The following ERMP1 variants were observed in gnomAD, a reference collection of about 807,000 sequenced individuals.
The protein encoded by ERMP1 is Felix-ina.
ERMP1 carries 86 observed loss-of-function variants against 92.0 expected under a neutral mutation model. The observed-to-expected ratio is 0.93, with a 90% CI of 0.79 to 1.12. ERMP1 has a LOEUF of 1.12. Ranked by LOEUF, ERMP1 falls within the 50% of genes most tolerant of loss-of-function variation. ERMP1 has a pLI of 0.00. For synonymous variants in ERMP1, 530 were observed against 412.8 expected (o/e 1.28, Z -3.44); for missense variants, 1,342 against 1,116.3 (o/e 1.20, Z -2.88).
Position 5,827,846 on chromosome 9 carries a change from T to C in ERMP1, c.641-2627A>G, listed in dbSNP as rs550071740. On this transcript the variant is annotated intron_variant, in intron 2 of 14. Transcript: ENST00000339450. ...AAAAAAAATTCGCAAGGCATGGTGG[T>C]GGGCGCCTATAGTCCCAGCTACTCG... Among the ~76,000 whole-genome samples the C allele has an allele frequency of 6.5e-4, 96 of 148,440 alleles. No homozygotes were observed. The Middle Eastern group carries it at 0.011, about 16-fold the overall frequency.
intron 6 of ERMP1, among the ~76,000 whole-genome samples, chr9:5,838,984 C>T (rs150248544): frequency 2.0e-5 from 3 of 152,132 alleles, no homozygotes; most frequent in Non-Finnish European, 4.4e-5. Flanking sequence ...GAGCCATGGG[C>T]CTGGCATCAG....
intron 1 of ERMP1, among the ~76,000 whole-genome samples, chr9:5,831,999 C>A (rs905814712): frequency 2.0e-5 from 3 of 151,932 alleles, no homozygotes; most frequent in Non-Finnish European, 2.9e-5. Context: ...GAAAACTTGA[C>A]GCCAGCTTAA....
rs35003433 is a variant in ERMP1 at position 5,860,612 on chromosome 9, AT to A, written n.3056-1002del. On this transcript the variant is annotated intron_variant and non_coding_transcript_variant, in intron 5 of 6. Transcript: ENST00000690753. ...ACAATTTTATCAACTTCAGTCCACA[AT>A]TTTTTTTTTTTTTGTAGAGATCGGG... is the stretch of plus-strand genomic sequence containing the variant. Among the ~76,000 whole-genome samples the A allele has an allele frequency of 1.2e-3, 169 of 135,644 alleles. 1 individual carries two copies. The highest frequency in any genetic ancestry group is 2.0e-3 in the African/African-American group (77 of 37,788). The allele number at this position is 135,644 out of a possible 152,430, so 89.0% of individuals were successfully genotyped here. A position where few individuals can be genotyped will look rare whatever the true frequency, so the allele number is the denominator to read the frequency against.
Position 5,830,708 on chromosome 9 carries a change from C to G in ERMP1, c.640+19G>C. The G allele has an allele frequency of 2.5e-6, 4 of 1,580,312 alleles. No individual in the cohort carries two copies. The highest frequency in any genetic ancestry group is 3.4e-6 in the Non-Finnish European group (4 of 1,161,314). On this transcript the variant is annotated intron_variant, in intron 2 of 14. Coordinates refer to ENST00000339450, the MANE Select transcript of ERMP1 (RefSeq NM_024896.3). ...CTGGGCTGTGACAAGTTCCAAATGA[C>G]TAAAAAACAGGTACATACCTGGTGA...
intron 4 of ERMP1, among the ~76,000 whole-genome samples, chr9:5,815,946 T>C (rs1372390374): frequency 6.6e-6 from 1 of 152,094 alleles, no homozygotes; most frequent in Non-Finnish European, 1.5e-5. Context: ...ATATTACTAT[T>C]TGATATTAAG....
At chr9:5,794,980 T>C (rs1050917873) in intron 13 of ERMP1, among the ~76,000 whole-genome samples, 2 of 152,146 alleles carry the variant, frequency 1.3e-5, no homozygotes, top group Non-Finnish European at 2.9e-5. Flanking sequence ...CTCATGAACA[T>C]AGATGCAAAA....
intron 6 of ERMP1, among the ~76,000 whole-genome samples, chr9:5,855,086 A>G (rs1468866682): frequency 6.6e-6 from 1 of 152,172 alleles, no homozygotes; most frequent in Non-Finnish European, 1.5e-5. Context: ...AGTTCTTAGA[A>G]AGAAAAATTT....
rs145625113 is a variant in ERMP1, at chr9:5,811,296, T to C, written c.1142A>G (p.His381Arg). 4.3e-6 allele frequency: 7 copies of C among 1,613,180 alleles called. No individual in the cohort carries two copies. In the South Asian group the frequency reaches 5.5e-5, roughly 13 times the overall value. Residue 381 changes from histidine to arginine, a missense_variant, in exon 7 of 15, where the codon CAT becomes CGT. His to Arg is a conservative substitution (Grantham distance 29, BLOSUM62 0). Transcript: ENST00000339450. ...AGDNILAVLK[H>R]LATSDMLAAA... ...AGCCAGCATATCAGATGTAGCTAGA[T>C]GCTTAAGAACTGCTAAAATGTTGTC...
At chr9:5,836,247 T>C (rs944285421), upstream of ERMP1, among the ~76,000 whole-genome samples, 9 of 152,186 alleles carry the variant, frequency 5.9e-5, no homozygotes, top group Non-Finnish European at 1.0e-4. Context: ...CCATAGCCAA[T>C]TTGCCGTAGA....
At chr9:5,833,562 G>C (rs1348917277), upstream of ERMP1, among the ~76,000 whole-genome samples, 1 of 152,148 alleles carries the variant, frequency 6.6e-6, no homozygotes, top group Non-Finnish European at 1.5e-5. Flanking sequence ...CTTAATCTGT[G>C]CTATTACTGT....
chr9:5,829,977 C>T (rs2129685004), intron 2 of ERMP1, among the ~76,000 whole-genome samples: 1 of 152,340 alleles, frequency 6.6e-6, no homozygotes. Flanking sequence ...GCATCAGGCA[C>T]TGTCCTAAAT....
intron 3 of ERMP1, among the ~76,000 whole-genome samples, 156 bp from the exon 4 acceptor site, chr9:5,824,157 T>G (rs1829647292): frequency 6.6e-6 from 1 of 152,256 alleles, no homozygotes. Context: ...ATCTTCTGCT[T>G]CTTTTCCTAT....
chr9:5,855,073 C>G (rs919351565), intron 6 of ERMP1, among the ~76,000 whole-genome samples: 20 of 152,058 alleles, frequency 1.3e-4, no homozygotes, highest in Admixed American at 1.2e-3. Flanking sequence ...TCTTCTTGTT[C>G]TCAGTTCTTA....
intron 6 of ERMP1, among the ~76,000 whole-genome samples, chr9:5,858,632 C>T (rs893157052): frequency 6.6e-6 from 1 of 152,188 alleles, no homozygotes. Flanking sequence ...AAGAGAAGTT[C>T]TCCAAAGAGA....
At chr9:5,855,943 C>T in intron 6 of ERMP1, 1 of 260,738 alleles carries the variant, frequency 3.8e-6, no homozygotes, top group South Asian at 5.0e-5. Context: ...CTTATCCTGG[C>T]AGCAACTGCT....
At chr9:5,791,589 C>G (rs578073325) in intron 13 of ERMP1, among the ~76,000 whole-genome samples, 48 of 151,340 alleles carry the variant, frequency 3.2e-4, no homozygotes, top group African/African-American at 1.1e-3. Context: ...AGGGAGAGAC[C>G]ATCCTGGTTT....
chr9:5,865,499 C>G (rs1228569093), intron 5 of ERMP1, among the ~76,000 whole-genome samples: 11 of 131,962 alleles, frequency 8.3e-5, no homozygotes, highest in Non-Finnish European at 1.6e-4. Flanking sequence ...CAGAGCAAGA[C>G]TCCATCTCAA....
At chr9:5,841,792 C>G (rs935253501) in intron 6 of ERMP1, among the ~76,000 whole-genome samples, 5 of 152,166 alleles carry the variant, frequency 3.3e-5, no homozygotes, top group Admixed American at 3.3e-4. Flanking sequence ...AGTTCTTGGT[C>G]TCGCTGACTT....
chr9:5,799,702 G>C (rs1828596316), intron 11 of ERMP1, among the ~76,000 whole-genome samples: 1 of 152,150 alleles, frequency 6.6e-6, no homozygotes, highest in Admixed American at 6.5e-5. Context: ...CTGTATTGCT[G>C]ACAAAGCCCA....
Sources: gnomAD v4.1 joint callset for allele counts (sites outside exome capture counted in the v4.1 genomes callset) on GRCh38, gnomAD v4.1.1 for gene constraint, MANE v1.5 for transcripts, NCBI Gene and HGNC (gene_info 2026-07-23, HGNC 2026-07-21) for gene names.